Variants in ACSM2A observed in about 807,000 individuals in gnomAD.
ACSM2A encodes the protein acyl-CoA synthetase medium chain family member 2A.
In ACSM2A, 72 loss-of-function variants were observed where a neutral mutation model predicts 76.6. The ratio of observed to expected loss-of-function variants is 0.94; its 90% CI spans 0.78 to 1.14. The LOEUF (loss-of-function observed/expected upper bound fraction) is 1.14, where lower values mean the gene tolerates loss of function less well. Ranked by LOEUF, ACSM2A falls within the 50% of genes most tolerant of loss-of-function variation. The probability of loss-of-function intolerance (pLI) is 0.00; values close to 1 mark genes in which losing one functional copy is unlikely to be tolerated. For synonymous variants in ACSM2A, 249 were observed against 255.9 expected (o/e 0.97, Z 0.26); for missense variants, 684 against 708.5 (o/e 0.97, Z 0.39).
In ACSM2A at chr16:20,451,623, G is replaced by C. The variant is rs537825785; in HGVS notation, c.-67G>C. On this transcript the variant is annotated 5_prime_UTR_variant, in exon 1 of 14. Coordinates refer to ENST00000573854, the MANE Select transcript of ACSM2A (RefSeq NM_001308172.2). ...GGCTGTAGGAGTTCTGGAGCTGCTG[G>C]CTGGAGAGGAGGGTGGACGAAGCTC... 1.3e-5 allele frequency: 2 copies of C among 152,494 alleles called. No homozygotes were observed. The highest frequency in any genetic ancestry group is 2.9e-5 in the Non-Finnish European group (2 of 68,460). The allele number at this position is 152,494 out of a possible 1,614,324, so 9.4% of individuals were successfully genotyped here. A position where few individuals can be genotyped will look rare whatever the true frequency, so the allele number is the denominator to read the frequency against.
At chr16:20,481,564 G>A (rs1227023186) in intron 12 of ACSM2A, 1 of 151,162 alleles carries the variant, frequency 6.6e-6, no homozygotes, top group Non-Finnish European at 1.5e-5. Context: ...CCAGAGGCTG[G>A]GAAGGGTGTG....
chr16:20,478,602 G>A lies in ACSM2A; in HGVS notation c.1206G>A (p.Leu402=). 6.2e-7 allele frequency: 1 copy of A among 1,613,816 alleles called. No homozygotes were observed. The highest frequency in any genetic ancestry group is 8.5e-7 in the Non-Finnish European group (1 of 1,179,810). ...VQIIDDKGNV[L]PPGTEGDIGI... The stretch of plus-strand genomic sequence containing the variant: ...TCATAGATGATAAGGGCAACGTCCT[G>A]CCCCCCGGCACAGAAGGAGACATTG... Residue 402 remains leucine (L), a synonymous_variant, in exon 10 of 14, where the codon CTG becomes CTA. Transcript: ENST00000573854.
At chr16:20,469,981 A>G (rs190182437) in intron 4 of ACSM2A, among the ~76,000 whole-genome samples, 1 of 151,292 alleles carries the variant, frequency 6.6e-6, no homozygotes, top group East Asian at 2.0e-4. Context: ...TTGTCCTCTA[A>G]AGGATTGAAA....
At chr16:20,481,214 A>G (rs1458761963) in intron 12 of ACSM2A, 3 of 400,862 alleles carry the variant, frequency 7.5e-6, no homozygotes, top group African/African-American at 6.0e-5. Context: ...CAGCAATCCC[A>G]CTACTGGGTA....
intron 13 of ACSM2A, among the ~76,000 whole-genome samples, chr16:20,486,064 T>C (rs1167815670): frequency 6.6e-6 from 1 of 152,264 alleles, no homozygotes; most frequent in Non-Finnish European, 1.5e-5. Flanking sequence ...TCCTAATTCT[T>C]AGATGTCTAA....
chr16:20,480,369 G>A (rs1003429636), intron 10 of ACSM2A, among the ~76,000 whole-genome samples: 1 of 152,198 alleles, frequency 6.6e-6, no homozygotes, highest in Non-Finnish European at 1.5e-5. Context: ...GAGAGACCCT[G>A]GGTGGAATAA....
Position 20,458,904 on chromosome 16 carries a change from G to GTATATATA in ACSM2A, c.-8-1203_-8-1202insTATATATA, listed in dbSNP as rs1567356709. 8.0e-4 allele frequency among the ~76,000 whole-genome samples: 22 copies of GTATATATA among 27,382 alleles called. 2 individuals carry two copies. Among genetic ancestry groups the GTATATATA allele is most frequent in the African/African-American group, 5.8e-3 (20 of 3,422 alleles). 18.0% of individuals were successfully genotyped at this position (27,382 alleles called of 152,430 possible). A position where few individuals can be genotyped will look rare whatever the true frequency, so the allele number is the denominator to read the frequency against. On this transcript the variant is annotated intron_variant, in intron 1 of 13. Transcript: ENST00000573854. Reference sequence around the variant, plus strand: ...TACATAGTATATATTATATATATATGCATATATATATATATATATATATAT... The same window carrying GTATATATA: ...TACATAGTATATATTATATATATATGTATATATACATATATATATATATATATATATAT...
At chr16:20,482,986 C>A (rs1032786408) in intron 12 of ACSM2A, 72 bp from the exon 13 acceptor site, 10 of 1,578,094 alleles carry the variant, frequency 6.3e-6, no homozygotes, top group Non-Finnish European at 7.8e-6. Context: ...AGTCTTAATG[C>A]CAATTTCACA....
Position 20,471,098 on chromosome 16 carries a change from G to A in ACSM2A, c.622G>A (p.Val208Met), listed in dbSNP as rs748296826. Residue 208 changes from valine (V) to methionine (M), a missense_variant, in exon 5 of 14, where the codon GTG becomes ATG. By Grantham distance (21) the Val-to-Met change is conservative (BLOSUM62 1). Transcript: ENST00000573854. ...TGAGGCATCCACCACTCATCACTGT[G>A]TGGAGACTGGAAGCCAGGAAGCATC... ...LNEASTTHHCVETGSQEASAI... is the reference protein window; with the variant it reads ...LNEASTTHHCMETGSQEASAI... 3.1e-6 allele frequency: 5 copies of A among 1,613,596 alleles called. No individual in the cohort carries two copies. In the South Asian group the frequency reaches 4.4e-5, roughly 14 times the overall value.
At chr16:20,479,685 C>G (rs566822048) in intron 10 of ACSM2A, among the ~76,000 whole-genome samples, 1 of 152,312 alleles carries the variant, frequency 6.6e-6, no homozygotes, top group East Asian at 1.9e-4. Context: ...TGGTCCCACT[C>G]TATTCTCAAA....
intron 2 of ACSM2A, among the ~76,000 whole-genome samples, chr16:20,463,377 T>G (rs952895400): frequency 2.6e-5 from 4 of 151,156 alleles, no homozygotes; most frequent in African/African-American, 9.8e-5. Context: ...CATGTTGAAA[T>G]GTAATCCACA....
chr16:20,483,937 C>T lies in ACSM2A; in HGVS notation c.1629+760C>T, dbSNP rs534208097. Among the ~76,000 whole-genome samples, 13 of 152,118 alleles carry T rather than the reference C, an allele frequency of 8.5e-5. No individual in the cohort carries two copies. In the East Asian group the frequency reaches 2.5e-3, roughly 29 times the overall value. ...CTCTTTCACCCTTTGACTCTCTTTC[C>T]TTTGTAGTGGTTTGATTTCTTGGAA... On this transcript the variant is annotated intron_variant, in intron 13 of 13. Coordinates refer to ENST00000573854, the MANE Select transcript of ACSM2A (RefSeq NM_001308172.2).
intron 4 of ACSM2A, among the ~76,000 whole-genome samples, 165 bp downstream of exon 4, chr16:20,469,884 T>G (rs61181137): frequency 0.071 from 10,686 of 149,474 alleles, 929 homozygotes; most frequent in African/African-American, 0.19. Flanking sequence ...TTTTTTTTTT[T>G]TTTTTTTTTT....
intron 3 of ACSM2A, among the ~76,000 whole-genome samples, chr16:20,468,661 T>C (rs2013169473): frequency 6.6e-6 from 1 of 152,174 alleles, no homozygotes. Context: ...TACCTGGCCC[T>C]AAGTCTAGTT....
Position 20,480,672 on chromosome 16 carries a change from C to A in ACSM2A, c.1381C>A (p.Arg461=). Residue 461 remains arginine (R), a synonymous_variant, in exon 11 of 14, where the codon CGG becomes AGG. Coordinates refer to ENST00000573854, the MANE Select transcript of ACSM2A (RefSeq NM_001308172.2). ...DEDGYFQFMG[R]ANDIINSSGY... Reference sequence around the variant, plus strand: ...AGATGGGTATTTCCAGTTTATGGGACGGGCAAATGATATCATTAACTCCAG... The same window carrying A: ...AGATGGGTATTTCCAGTTTATGGGAAGGGCAAATGATATCATTAACTCCAG... The A allele has an allele frequency of 5.6e-6, 5 of 900,790 alleles. 1 individual carries two copies. The highest frequency in any genetic ancestry group is 8.5e-6 in the Non-Finnish European group (5 of 589,046). 55.8% of individuals were successfully genotyped at this position (900,790 alleles called of 1,614,324 possible). A position where few individuals can be genotyped will look rare whatever the true frequency, so the allele number is the denominator to read the frequency against.
intron 2 of ACSM2A, among the ~76,000 whole-genome samples, chr16:20,465,013 T>G (rs2012890569): frequency 6.6e-6 from 1 of 152,108 alleles, no homozygotes; most frequent in Non-Finnish European, 1.5e-5. Flanking sequence ...TAAAGTGATA[T>G]TTGCCTTTTT....
chr16:20,463,094 G>T (rs1454603187), intron 2 of ACSM2A, among the ~76,000 whole-genome samples: 1 of 100,722 alleles, frequency 9.9e-6, no homozygotes, highest in Non-Finnish European at 1.9e-5. Context: ...GGTGGGGGGA[G>T]GGGGGAGGGA....
intron 2 of ACSM2A, among the ~76,000 whole-genome samples, chr16:20,461,936 G>A (rs763197968): frequency 3.3e-5 from 5 of 152,116 alleles, no homozygotes; most frequent in Admixed American, 6.5e-5. Context: ...GCTAAGGAAT[G>A]GGTGCTACTG....
chr16:20,462,199 C>T (rs2012664252), intron 2 of ACSM2A, among the ~76,000 whole-genome samples: 1 of 152,124 alleles, frequency 6.6e-6, no homozygotes, highest in South Asian at 2.1e-4. Flanking sequence ...GGTTACATGA[C>T]TCCTAAGCAG....
Sources: allele counts gnomAD v4.1 joint callset (sites outside exome capture counted in the v4.1 genomes callset), GRCh38; gene constraint gnomAD v4.1.1; transcripts MANE v1.5; gene names NCBI Gene and HGNC (gene_info 2026-07-23, HGNC 2026-07-21).